Variants in PCSK6 observed in about 807,000 individuals in gnomAD.
PCSK6 encodes the protein proprotein convertase subtilisin/kexin type 6.
A neutral mutation model predicts 123.3 loss-of-function variants in PCSK6; 85 were observed. That is an observed-to-expected ratio of 0.69 (90% CI 0.58 to 0.83). PCSK6 has a LOEUF of 0.83. PCSK6 is among the 40% of genes least tolerant of loss of function. PCSK6 has a pLI of 0.00. For missense variants in PCSK6, 1,191 were observed against 1,282.3 expected (o/e 0.93, Z 1.09); for synonymous variants, 508 against 516.0 (o/e 0.98, Z 0.21).
At chr15:101,458,920 C>T (rs995989430) in intron 1 of PCSK6, among the ~76,000 whole-genome samples, 2 of 152,162 alleles carry the variant, frequency 1.3e-5, no homozygotes, top group African/African-American at 2.4e-5. Context: ...TTTCATTTAA[C>T]CACCCCGACA....
rs76227280 is a variant in PCSK6 at position 101,391,231 on chromosome 15, C to T, written c.1210-1667G>A. On this transcript the variant is annotated intron_variant, in intron 8 of 21. Transcript: ENST00000611716. ...TCCAGCATCTTCATATGCAAATGGA[C>T]ACCATGATATAGATTTCAGGGGTTC... Among the ~76,000 whole-genome samples, 713 of 152,320 alleles carry T rather than the reference C, an allele frequency of 4.7e-3. 5 individuals carry two copies. The highest frequency in any genetic ancestry group is 0.017 in the African/African-American group (688 of 41,564).
intron 6 of PCSK6, among the ~76,000 whole-genome samples, chr15:101,421,643 C>T (rs947567251): frequency 6.6e-6 from 1 of 152,174 alleles, no homozygotes; most frequent in African/African-American, 2.4e-5. Flanking sequence ...CAGCCAACAG[C>T]CCCATAAGTA....
At chr15:101,322,102 A>G (rs1265401891) in intron 18 of PCSK6, among the ~76,000 whole-genome samples, 1 of 152,188 alleles carries the variant, frequency 6.6e-6, no homozygotes, top group Admixed American at 6.5e-5. Flanking sequence ...CACCCTCAGG[A>G]AGCCGTGAAG....
At chr15:101,396,131 C>T (rs183133654) in intron 7 of PCSK6, among the ~76,000 whole-genome samples, 2 of 152,272 alleles carry the variant, frequency 1.3e-5, no homozygotes, top group East Asian at 1.9e-4. Flanking sequence ...CTCTGTATGA[C>T]ATATTTTACT....
chr15:101,470,965 G>T (rs1246982232), intron 1 of PCSK6, among the ~76,000 whole-genome samples: 1 of 152,194 alleles, frequency 6.6e-6, no homozygotes, highest in Non-Finnish European at 1.5e-5. Flanking sequence ...AAGATAATTA[G>T]CAGGCAAGCA....
intron 19 of PCSK6, among the ~76,000 whole-genome samples, chr15:101,316,912 T>TTTTTTTTTTG (rs2040003584): frequency 1.0e-5 from 1 of 96,344 alleles, no homozygotes; most frequent in African/African-American, 4.6e-5. Flanking sequence ...TTAATTCTGT[T>TTTTTTTTTTG]TTTTTTTTTT....
chr15:101,379,950 C>T (rs1472868464), intron 11 of PCSK6, among the ~76,000 whole-genome samples: 1 of 152,172 alleles, frequency 6.6e-6, no homozygotes, highest in Non-Finnish European at 1.5e-5. Context: ...TCTGGAGGCC[C>T]GTATGTCCTC....
chr15:101,321,629 C>A (rs2040123850), intron 18 of PCSK6, among the ~76,000 whole-genome samples: 1 of 152,242 alleles, frequency 6.6e-6, no homozygotes, highest in African/African-American at 2.4e-5. Context: ...AATTCCAGTC[C>A]TCACAGCATT....
chr15:101,483,040 T>C (rs2057929463), intron 1 of PCSK6, among the ~76,000 whole-genome samples: 1 of 152,184 alleles, frequency 6.6e-6, no homozygotes, highest in South Asian at 2.1e-4. Flanking sequence ...TTCACAACCC[T>C]CATCTTGCCT....
At chr15:101,363,975 C>G (rs1316391202) in intron 13 of PCSK6, among the ~76,000 whole-genome samples, 1 of 152,098 alleles carries the variant, frequency 6.6e-6, no homozygotes, top group Non-Finnish European at 1.5e-5. Flanking sequence ...ATTTTAAAAC[C>G]AGAAAGAATA....
At chr15:101,428,079 G>C in intron 5 of PCSK6, 99 bp from the exon 6 acceptor site, 4 of 964,064 alleles carry the variant, frequency 4.1e-6, no homozygotes, top group Non-Finnish European at 6.3e-6. Context: ...TCAGTTGTCC[G>C]AAGCCCAGAG....
intron 1 of PCSK6, among the ~76,000 whole-genome samples, chr15:101,445,751 G>C (rs2056872621): frequency 6.6e-6 from 1 of 152,230 alleles, no homozygotes; most frequent in African/African-American, 2.4e-5. Flanking sequence ...GGGCATTCGA[G>C]TCAATTCCCA....
At chr15:101,334,803 C>T (rs1050728617) in intron 13 of PCSK6, among the ~76,000 whole-genome samples, 1 of 152,226 alleles carries the variant, frequency 6.6e-6, no homozygotes, top group African/African-American at 2.4e-5. Context: ...GCTCCACACT[C>T]AGGGTCAGTG....
At chr15:101,369,494 G>C (rs2041510685) in intron 12 of PCSK6, among the ~76,000 whole-genome samples, 1 of 152,200 alleles carries the variant, frequency 6.6e-6, no homozygotes, top group African/African-American at 2.4e-5. Context: ...GCCTGGTCCT[G>C]GGGGGCTTCC....
chr15:101,347,294 A>T lies in PCSK6; in HGVS notation c.1859-15263T>A, dbSNP rs1374286398. The stretch of plus-strand genomic sequence containing the variant: ...AGAAATGAAGATTAGCTCAAAAGAG[A>T]TGTCAATAAAACACAGATCAAGATG... On this transcript the variant is annotated intron_variant, in intron 13 of 21. Transcript: ENST00000611716. The T allele has an allele frequency of 8.9e-6, 11 of 1,232,862 alleles. No homozygotes were observed. In the East Asian group the frequency reaches 3.5e-4, roughly 39 times the overall value. 76.4% of individuals were successfully genotyped at this position (1,232,862 alleles called of 1,614,324 possible). A position where few individuals can be genotyped will look rare whatever the true frequency, so the allele number is the denominator to read the frequency against.
At chr15:101,485,603 G>A (rs945985630) in intron 1 of PCSK6, among the ~76,000 whole-genome samples, 1 of 151,988 alleles carries the variant, frequency 6.6e-6, no homozygotes, top group Non-Finnish European at 1.5e-5. Flanking sequence ...TTTTCCATGG[G>A]GAGAGCCTGT....
intron 20 of PCSK6, among the ~76,000 whole-genome samples, chr15:101,309,988 C>G (rs1290427502): frequency 6.6e-6 from 1 of 152,252 alleles, no homozygotes; most frequent in Non-Finnish European, 1.5e-5. Context: ...CCTGCATGTT[C>G]CAACGCAGCC....
At chr15:101,463,184 G>A in intron 1 of PCSK6, 1 of 450,212 alleles carries the variant, frequency 2.2e-6, no homozygotes, top group Non-Finnish European at 4.5e-6. Flanking sequence ...CTTCTGGTTG[G>A]CTCCTTTGCC....
intron 13 of PCSK6, among the ~76,000 whole-genome samples, chr15:101,352,047 A>G (rs1422156196): frequency 6.6e-6 from 1 of 152,058 alleles, no homozygotes. Flanking sequence ...TTTACAGAAA[A>G]AGTTTTCCAA....
Sources: gnomAD v4.1 joint callset for allele counts (sites outside exome capture counted in the v4.1 genomes callset) on GRCh38, gnomAD v4.1.1 for gene constraint, MANE v1.5 for transcripts, NCBI Gene and HGNC (gene_info 2026-07-23, HGNC 2026-07-21) for gene names.